Variants in DONSON observed in about 807,000 individuals in gnomAD.
DONSON encodes the protein DNA replication fork stabilization factor DONSON, also known as protein downstream neighbor of Son.
In DONSON, 43 loss-of-function variants were observed where a neutral mutation model predicts 62.1. The ratio of observed to expected loss-of-function variants is 0.69; its 90% confidence interval spans 0.54 to 0.89. DONSON has a LOEUF of 0.89. Ranked by LOEUF, DONSON falls within the 40% of genes least tolerant of loss-of-function variation. The pLI is 0.00. For synonymous variants in DONSON, 266 were observed against 264.6 expected, an observed-to-expected ratio of 1.01 and a Z score of -0.05; for missense variants, 696 against 697.5, an observed-to-expected ratio of 1.00 and a Z score of 0.03.
At position 33,586,135 on chromosome 21, in the gene DONSON, C is replaced by G. The variant is rs754454018; in HGVS notation, c.449G>C (p.Ser150Thr). The G allele has an allele frequency of 6.2e-7, 1 of 1,614,098 alleles. No individual in the cohort carries two copies. Among genetic ancestry groups the G allele is most frequent in the Admixed American group, 1.7e-5 (1 of 60,014 alleles). Residue 150 changes from serine to threonine, a missense_variant, in exon 3 of 10, where the codon AGT becomes ACT. Ser to Thr is a moderately conservative substitution (Grantham distance 58, BLOSUM62 1). Transcript: ENST00000303071. ...ACTCCAGTCCACAGGTAACTCAGTACTTTTTGAGGACGGAATATCAGGCTC... is the reference window on the plus strand; with the variant it reads ...ACTCCAGTCCACAGGTAACTCAGTAGTTTTTGAGGACGGAATATCAGGCTC... ...FSEPDIPSSK[S>T]TELPVDWSIK...
In DONSON at chr21:33,583,534, G is replaced by C; in HGVS notation, c.918C>G (p.Leu306=). The change falls in exon 5 of 10, where the codon CTC becomes CTG. Residue 306 remains leucine, a synonymous_variant. Transcript: ENST00000303071. ...GLAGSDLITA[L]ISPTTRGLRE... ...TTAAACCTCGAGTTGTTGGAGATAT[G>C]AGAGCTGTGATTAAGTCACTTCCAG... 6.2e-7 allele frequency: 1 copy of C among 1,613,916 alleles called. No individual in the cohort carries two copies. Among genetic ancestry groups the C allele is most frequent in the Non-Finnish European group, 8.5e-7 (1 of 1,179,956 alleles).
At chr21:33,579,321 A>C (rs756136995) in intron 9 of DONSON, 29 bp downstream of exon 9, 1 of 1,476,742 alleles carries the variant, frequency 6.8e-7, no homozygotes, top group Admixed American at 2.0e-5. Flanking sequence ...ACTACAACTA[A>C]AACAGTCTGC....
Position 33,588,417 on chromosome 21 carries a change from A to G in DONSON, c.225T>C (p.Ala75=). The G allele has an allele frequency of 7.6e-7, 1 of 1,308,326 alleles. No individual in the cohort carries two copies. 81.0% of individuals were successfully genotyped at this position (1,308,326 alleles called of 1,614,324 possible). A position where few individuals can be genotyped will look rare whatever the true frequency, so the allele number is the denominator to read the frequency against. ...GGGSGGGPAA[A]RRNPFARLDN... is the part of the protein sequence containing the mutation. ...CCAGGCGGGCGAAGGGGTTCCTCCG[A>G]GCAGCGGCCGGGCCGCCGCCGCTGC... Residue 75 remains alanine, a synonymous_variant, in exon 1 of 10, where the codon GCT becomes GCC. Coordinates refer to ENST00000303071, the MANE Select transcript of DONSON (RefSeq NM_017613.4).
At position 33,578,220 on chromosome 21, in the gene DONSON, A is replaced by C; in HGVS notation, c.*87T>G. 5 of 1,397,196 alleles carry C rather than the reference A, an allele frequency of 3.6e-6. No individual in the cohort carries two copies. Among genetic ancestry groups the C allele is most frequent in the Non-Finnish European group, 3.9e-6 (4 of 1,018,916 alleles). 86.5% of individuals were successfully genotyped at this position (1,397,196 alleles called of 1,614,324 possible). On this transcript the variant is annotated 3_prime_UTR_variant, in exon 10 of 10. Coordinates refer to ENST00000303071, the MANE Select transcript of DONSON (RefSeq NM_017613.4). Reference sequence around the variant, plus strand: ...TAAAAGTTATGTTTATAAACATTTCAGTATATTCCTTCAACTTCAAGAATC... The same window carrying C: ...TAAAAGTTATGTTTATAAACATTTCCGTATATTCCTTCAACTTCAAGAATC...
In DONSON at chr21:33,588,630, C is replaced by T; in HGVS notation, c.12G>A (p.Ser4=). 8.1e-7 allele frequency: 1 copy of T among 1,240,208 alleles called. No individual in the cohort carries two copies. Among genetic ancestry groups the T allele is most frequent in the Non-Finnish European group, 1.0e-6 (1 of 991,428 alleles). 76.8% of individuals were successfully genotyped at this position (1,240,208 alleles called of 1,614,324 possible). A position where few individuals can be genotyped will look rare whatever the true frequency, so the allele number is the denominator to read the frequency against. The change falls in exon 1 of 10, where the codon TCG becomes TCA. Residue 4 remains serine (S), a synonymous_variant. Coordinates refer to ENST00000303071, the MANE Select transcript of DONSON (RefSeq NM_017613.4). MAL[S]VPGYSPGFRK... ...GGAAGCCCGGTGAGTAGCCGGGCACCGAAAGGGCCATGACGCGCGGCGGCT... is the reference window on the plus strand; with the variant it reads ...GGAAGCCCGGTGAGTAGCCGGGCACTGAAAGGGCCATGACGCGCGGCGGCT...
In DONSON at chr21:33,582,064, T is replaced by C. The variant is rs779149681; in HGVS notation, c.1047-9A>G. 4.7e-5 allele frequency: 76 copies of C among 1,613,826 alleles called. No individual in the cohort carries two copies. Among genetic ancestry groups the C allele is most frequent in the Non-Finnish European group, 5.8e-5 (69 of 1,179,858 alleles). On this transcript the variant is annotated splice_polypyrimidine_tract_variant and intron_variant, in intron 6 of 9. Transcript: ENST00000303071. ...CACTGATGGCTTGCTCCCTAGGAAA[T>C]TGCTACAGTTAGAGTCCCTATTTCA...
At position 33,583,716 on chromosome 21, in the gene DONSON, T is replaced by C. The variant is rs201030021; in HGVS notation, c.786-50A>G. ...AGGTATTATTAAACATTTAATGCAA[T>C]GTTTATAATTCTGAATAATTCAGTT... On this transcript the variant is annotated intron_variant, in intron 4 of 9. Transcript: ENST00000303071. 34 of 1,379,706 alleles carry C rather than the reference T, an allele frequency of 2.5e-5. No individual in the cohort carries two copies. In the East Asian group the frequency reaches 4.9e-4, roughly 20 times the overall value. 85.5% of individuals were successfully genotyped at this position (1,379,706 alleles called of 1,614,324 possible).
intron 4 of DONSON, among the ~76,000 whole-genome samples, chr21:33,584,377 T>A (rs746352452): frequency 2.0e-5 from 3 of 151,010 alleles, no homozygotes; most frequent in Non-Finnish European, 2.9e-5. Context: ...CCAACACTTA[T>A]ATACATTCTA....
intron 9 of DONSON, among the ~76,000 whole-genome samples, chr21:33,579,011 G>A (rs2086470485): frequency 6.6e-6 from 1 of 152,066 alleles, no homozygotes; most frequent in African/African-American, 2.4e-5. Flanking sequence ...GGTGGCACAT[G>A]CCTGTAATCT....
intron 6 of DONSON, 38 bp from the exon 7 acceptor site, chr21:33,582,093 G>C: frequency 6.2e-7 from 1 of 1,611,732 alleles, no homozygotes; most frequent in Non-Finnish European, 8.5e-7. Context: ...TATTTCACAA[G>C]CTGTTCCTGT....
chr21:33,581,068 G>A (rs967040931), intron 8 of DONSON: 7 of 392,044 alleles, frequency 1.8e-5, no homozygotes, highest in Admixed American at 3.7e-5. Flanking sequence ...GGATAGCAGC[G>A]CAAGACTCCA....
Position 33,578,276 on chromosome 21 carries a change from TCAAAGA to T in DONSON, c.*25_*30del. The T allele has an allele frequency of 6.3e-7, 1 of 1,595,480 alleles. No individual in the cohort carries two copies. Among genetic ancestry groups the T allele is most frequent in the Admixed American group, 1.7e-5 (1 of 57,240 alleles). On this transcript the variant is annotated 3_prime_UTR_variant, in exon 10 of 10. Coordinates refer to ENST00000303071, the MANE Select transcript of DONSON (RefSeq NM_017613.4). ...TTTCCTTGCTAGAAGGCTTTTTTCC[TCAAAGA>T]TTCCTTTTAGGCTTACTTTGGTGTT...
chr21:33,577,688 CACACACACACA>C lies in DONSON; in HGVS notation c.*608_*618del, dbSNP rs2086447974. 2 of 112,600 alleles carry C rather than the reference CACACACACACA, an allele frequency of 1.8e-5. No homozygotes were observed. The highest frequency in any genetic ancestry group is 2.7e-4 in the East Asian group (1 of 3,732). The allele number at this position is 112,600 out of a possible 1,614,324, so 7.0% of individuals were successfully genotyped here. A position where few individuals can be genotyped will look rare whatever the true frequency, so the allele number is the denominator to read the frequency against. On this transcript the variant is annotated 3_prime_UTR_variant, in exon 10 of 10. Transcript: ENST00000303071. The stretch of plus-strand genomic sequence containing the variant: ...ACACACACACACACACACACACACA[CACACACACACA>C]CACCCCTATAAGCACATTAAATACT...
chr21:33,581,732 T>C (rs1390899979), intron 7 of DONSON, among the ~76,000 whole-genome samples: 2 of 152,216 alleles, frequency 1.3e-5, no homozygotes, highest in East Asian at 3.8e-4. Flanking sequence ...AACACACCTA[T>C]TCTCCCACAA....
At chr21:33,584,904 G>T (rs772945099) in intron 3 of DONSON, 136 bp from the exon 4 acceptor site, 577 of 708,108 alleles carry the variant, frequency 8.1e-4, no homozygotes, top group Non-Finnish European at 1.1e-3. Context: ...AATTGTTATA[G>T]GAACGAAAAC....
chr21:33,586,976 G>A (rs929563671), intron 2 of DONSON, among the ~76,000 whole-genome samples: 3 of 152,148 alleles, frequency 2.0e-5, no homozygotes, highest in African/African-American at 7.2e-5. Flanking sequence ...TATCAGAGAA[G>A]GGGGAACTAT....
rs374188850 is a variant in DONSON at position 33,586,132 on chromosome 21, G to C, written c.452C>G (p.Thr151Ser). The change falls in exon 3 of 10, where the codon ACT becomes AGT. Residue 151 changes from threonine (T) to serine (S), a missense_variant. Thr to Ser is a moderately conservative substitution (Grantham distance 58). Coordinates refer to ENST00000303071, the MANE Select transcript of DONSON (RefSeq NM_017613.4). ...SEPDIPSSKS[T>S]ELPVDWSIKT... ...AATACTCCAGTCCACAGGTAACTCA[G>C]TACTTTTTGAGGACGGAATATCAGG... The C allele has an allele frequency of 1.2e-6, 2 of 1,614,028 alleles. No homozygotes were observed. The highest frequency in any genetic ancestry group is 1.7e-6 in the Non-Finnish European group (2 of 1,180,036).
chr21:33,583,208 A>AAAAAAAAAAAAAAAAAAAAAAAAAT (rs2086536057), intron 5 of DONSON, among the ~76,000 whole-genome samples: 1 of 85,584 alleles, frequency 1.2e-5, no homozygotes, highest in Non-Finnish European at 2.8e-5. Flanking sequence ...CTCAAAAAAA[A>AAAAAAAAAAAAAAAAAAAAAAAAAT]AAAAAAAAAA....
At position 33,577,732 on chromosome 21, in the gene DONSON, C is replaced by T. The variant is rs947761037; in HGVS notation, c.*575G>A. On this transcript the variant is annotated 3_prime_UTR_variant, in exon 10 of 10. Coordinates refer to ENST00000303071, the MANE Select transcript of DONSON (RefSeq NM_017613.4). ...ATAAGCACATTAAATACTACTTTGC[C>T]GTGACAGCTCAGTGTACTTCACAAT... 2.0e-5 allele frequency: 3 copies of T among 150,456 alleles called. No individual in the cohort carries two copies. The highest frequency in any genetic ancestry group is 2.0e-4 in the East Asian group (1 of 5,056). 9.3% of individuals were successfully genotyped at this position (150,456 alleles called of 1,614,324 possible).
Sources: allele counts gnomAD v4.1 joint callset (sites outside exome capture counted in the v4.1 genomes callset), GRCh38; gene constraint gnomAD v4.1.1; transcripts MANE v1.5; gene names NCBI Gene and HGNC (gene_info 2026-07-23, HGNC 2026-07-21).